OLFM2: variants seen among roughly 807,000 people sequenced by gnomAD.
The protein encoded by OLFM2 is olfactomedin 2.
A neutral mutation model predicts 43.9 loss-of-function variants in OLFM2; 20 were observed. The observed-to-expected ratio is 0.46, with a 90% confidence interval of 0.32 to 0.66. The LOEUF is 0.66. OLFM2 is among the 30% of genes least tolerant of loss of function. The pLI, the probability that OLFM2 is intolerant of heterozygous loss-of-function variation, is 0.04. For synonymous variants in OLFM2, 268 were observed against 278.6 expected (o/e 0.96, Z 0.38); for missense variants, 416 against 643.6 (o/e 0.65, Z 3.83).
chr19:9,877,779 G>A (rs892265297), intron 1 of OLFM2, among the ~76,000 whole-genome samples: 3 of 152,184 alleles, frequency 2.0e-5, no homozygotes, highest in Middle Eastern at 3.4e-3. Flanking sequence ...ACCTTTGCCA[G>A]AGGCTGGTGC....
intron 1 of OLFM2, among the ~76,000 whole-genome samples, chr19:9,899,995 C>G (rs2046717298): frequency 6.6e-6 from 1 of 152,092 alleles, no homozygotes; most frequent in Admixed American, 6.6e-5. Flanking sequence ...CACGTGTCCC[C>G]CTGGCACATA....
intron 1 of OLFM2, among the ~76,000 whole-genome samples, chr19:9,915,240 T>G (rs972940885): frequency 6.4e-5 from 2 of 31,150 alleles, no homozygotes; most frequent in African/African-American, 1.8e-4. Context: ...TTTCTCTCTC[T>G]TTTTTTTTTT....
chr19:9,908,031 A>T (rs1424861414), intron 1 of OLFM2, among the ~76,000 whole-genome samples: 1 of 152,082 alleles, frequency 6.6e-6, no homozygotes, highest in Non-Finnish European at 1.5e-5. Context: ...AAATTTAAAA[A>T]TTTTAAAAAT....
At chr19:9,887,218 G>A (rs753669490) in intron 1 of OLFM2, among the ~76,000 whole-genome samples, 83 of 151,178 alleles carry the variant, frequency 5.5e-4, no homozygotes, top group South Asian at 6.3e-4. Flanking sequence ...CGCTCTTGTT[G>A]CCCAGGCTGG....
intron 1 of OLFM2, among the ~76,000 whole-genome samples, chr19:9,883,610 G>A (rs10419418): frequency 0.25 from 38,620 of 151,910 alleles, 5,197 homozygotes; most frequent in South Asian, 0.28. Context: ...GCTCTGCCAG[G>A]TGGCAGGACT....
At chr19:9,919,891 T>C (rs1261130745) in intron 1 of OLFM2, among the ~76,000 whole-genome samples, 1 of 146,844 alleles carries the variant, frequency 6.8e-6, no homozygotes, top group African/African-American at 2.5e-5. Flanking sequence ...GCCTCCAGGG[T>C]TCAAGTGATT....
intron 2 of OLFM2, 96 bp downstream of exon 2, chr19:9,860,548 TG>T: frequency 7.5e-7 from 1 of 1,341,456 alleles, no homozygotes; most frequent in Middle Eastern, 2.3e-4. Flanking sequence ...TTTGCATAGC[TG>T]GATATGGCCA....
At chr19:9,920,042 G>A (rs1238686182) in intron 1 of OLFM2, among the ~76,000 whole-genome samples, 1 of 151,214 alleles carries the variant, frequency 6.6e-6, no homozygotes, top group African/African-American at 2.4e-5. Context: ...GACCTCAGGT[G>A]GTCTGCCCAC....
rs549848054 is a variant in OLFM2, at chr19:9,896,254, C to G, written c.64-35460G>C. ...TAGCTGGGACTACAGGCGCCCGCCA[C>G]CACGCCCGACTAATTTTTGTATTTT... On this transcript the variant is annotated intron_variant, in intron 1 of 5. Transcript: ENST00000264833. Among the ~76,000 whole-genome samples the G allele has an allele frequency of 5.9e-5, 9 of 151,972 alleles. 1 individual carries two copies. Among genetic ancestry groups the G allele is most frequent in the Admixed American group, 2.0e-4 (3 of 15,246 alleles).
intron 1 of OLFM2, among the ~76,000 whole-genome samples, chr19:9,870,563 T>C (rs900639094): frequency 6.6e-6 from 1 of 152,238 alleles, no homozygotes; most frequent in African/African-American, 2.4e-5. Flanking sequence ...GTGTTCTCTC[T>C]GGCCCATCCT....
chr19:9,860,146 A>C (rs568767771), intron 2 of OLFM2, among the ~76,000 whole-genome samples: 4 of 124,520 alleles, frequency 3.2e-5, no homozygotes, highest in Non-Finnish European at 6.9e-5. Flanking sequence ...AGACTGTCTC[A>C]AGGAGAAAAA....
At chr19:9,918,707 T>C (rs1024907510) in intron 1 of OLFM2, among the ~76,000 whole-genome samples, 1 of 152,196 alleles carries the variant, frequency 6.6e-6, no homozygotes, top group African/African-American at 2.4e-5. Context: ...GCTCCTGATA[T>C]ATGCTACAAT....
At chr19:9,895,988 A>G (rs1364591035) in intron 1 of OLFM2, among the ~76,000 whole-genome samples, 2 of 152,152 alleles carry the variant, frequency 1.3e-5, no homozygotes, top group Non-Finnish European at 2.9e-5. Context: ...GGATAGAGAT[A>G]AAACTCCTTA....
rs566939383 is a variant in OLFM2, at chr19:9,933,722, A to AT, written c.63+2581dup. ...AGGCGCCTGCCACCACACCCAGCTA[A>AT]TTTTTTGTATTTTTAGTAGAGACAG... On this transcript the variant is annotated intron_variant, in intron 1 of 5. Transcript: ENST00000264833. Among the ~76,000 whole-genome samples, 5 of 150,152 alleles carry AT rather than the reference A, an allele frequency of 3.3e-5. No individual in the cohort carries two copies. In the East Asian group the frequency reaches 5.9e-4, roughly 18 times the overall value.
At chr19:9,871,379 C>T (rs1215626580) in intron 1 of OLFM2, among the ~76,000 whole-genome samples, 1 of 151,706 alleles carries the variant, frequency 6.6e-6, no homozygotes, top group Non-Finnish European at 1.5e-5. Context: ...GAATCCAGCC[C>T]GAGCAACATG....
At chr19:9,859,575 G>A (rs1446462220) in intron 2 of OLFM2, among the ~76,000 whole-genome samples, 1 of 152,130 alleles carries the variant, frequency 6.6e-6, no homozygotes, top group African/African-American at 2.4e-5. Flanking sequence ...TTACAGGCGT[G>A]AGCTACCACG....
At chr19:9,913,571 GC>G in intron 1 of OLFM2, 1 of 1,280,568 alleles carries the variant, frequency 7.8e-7, no homozygotes, top group South Asian at 2.0e-5. Flanking sequence ...GGTGACCATG[GC>G]CATGGTGCTC....
intron 1 of OLFM2, among the ~76,000 whole-genome samples, chr19:9,883,209 C>CAAAA (rs34232795): frequency 1.5e-5 from 2 of 137,298 alleles, no homozygotes; most frequent in African/African-American, 2.7e-5. Flanking sequence ...GACTCCATCT[C>CAAAA]AAAAAAAAAA....
chr19:9,932,378 CGGTGAG>C (rs1342226516), intron 1 of OLFM2, among the ~76,000 whole-genome samples: 1 of 150,220 alleles, frequency 6.7e-6, no homozygotes, highest in African/African-American at 2.5e-5. Context: ...TCACTTGAAC[CGGTGAG>C]GCAAAGCTTG....
Sources: gnomAD v4.1 joint callset for allele counts (sites outside exome capture counted in the v4.1 genomes callset) on GRCh38, gnomAD v4.1.1 for gene constraint, MANE v1.5 for transcripts, NCBI Gene and HGNC (gene_info 2026-07-23, HGNC 2026-07-21) for gene names.